Variants in HDAC4 observed in about 807,000 individuals in gnomAD.
HDAC4 encodes the protein histone deacetylase A.
Under a neutral mutation model 135.1 loss-of-function variants are expected in HDAC4, and 16 were observed. The ratio of observed to expected loss-of-function variants is 0.12; its 90% confidence interval spans 0.08 to 0.18. The LOEUF (loss-of-function observed/expected upper bound fraction) is 0.18, where lower values mean the gene tolerates loss of function less well. HDAC4 is among the 10% of genes least tolerant of loss of function. The pLI is 1.00. For missense variants in HDAC4, 1,143 were observed against 1,511.8 expected (o/e 0.76, Z 4.05); for synonymous variants, 685 against 653.4 (o/e 1.05, Z -0.74).
At chr2:239,153,429 C>T (rs971640994) in intron 7 of HDAC4, among the ~76,000 whole-genome samples, 2 of 152,248 alleles carry the variant, frequency 1.3e-5, no homozygotes, top group South Asian at 2.1e-4. Context: ...AATTTAATGA[C>T]GTGTTTCATA....
At chr2:239,215,003 G>T (rs1230002620) in intron 3 of HDAC4, among the ~76,000 whole-genome samples, 1 of 152,204 alleles carries the variant, frequency 6.6e-6, no homozygotes, top group Non-Finnish European at 1.5e-5. Context: ...GGGGATCGAC[G>T]GCAAGCAGGC....
intron 2 of HDAC4, among the ~76,000 whole-genome samples, chr2:239,292,829 C>CGTTT (rs1368139204): frequency 6.6e-6 from 1 of 152,142 alleles, no homozygotes; most frequent in African/African-American, 2.4e-5. Flanking sequence ...TTTTAATACC[C>CGTTT]AAACAGAAAT....
At chr2:239,157,284 GGGGCT>G (rs1424351647) in intron 6 of HDAC4, among the ~76,000 whole-genome samples, 1 of 152,250 alleles carries the variant, frequency 6.6e-6, no homozygotes, top group Non-Finnish European at 1.5e-5. Flanking sequence ...AGAAGCCCAT[GGGGCT>G]GTCTCTCAGA....
chr2:239,165,492 G>A (rs1351183445), intron 5 of HDAC4, among the ~76,000 whole-genome samples: 1 of 152,218 alleles, frequency 6.6e-6, no homozygotes, highest in African/African-American at 2.4e-5. Context: ...CTGTGTGTGT[G>A]TGTGTGTTTC....
At chr2:239,132,983 C>T (rs1320011762) in intron 11 of HDAC4, among the ~76,000 whole-genome samples, 2 of 152,294 alleles carry the variant, frequency 1.3e-5, no homozygotes, top group South Asian at 2.1e-4. Flanking sequence ...CCACTGTGGC[C>T]GCAGCTCAGA....
chr2:239,068,814 C>T lies in HDAC4; in HGVS notation c.2751-207G>A, dbSNP rs754746370. 4.8e-6 allele frequency: 3 copies of T among 628,730 alleles called. No homozygotes were observed. The highest frequency in any genetic ancestry group is 8.8e-6 in the Non-Finnish European group (3 of 340,224). 38.9% of individuals were successfully genotyped at this position (628,730 alleles called of 1,614,324 possible). ...ACCCACGTGTGATCCAGGCTCATTTCACATCTTCACAGTGCAAGCCAGCAA... is the reference window on the plus strand; with the variant it reads ...ACCCACGTGTGATCCAGGCTCATTTTACATCTTCACAGTGCAAGCCAGCAA... On this transcript the variant is annotated intron_variant, in intron 22 of 26. Transcript: ENST00000543185. The surrounding 1 kb of genome is among the most constrained non-coding windows in gnomAD (Gnocchi z 4.4).
At chr2:239,242,941 A>G (rs1326301546) in intron 2 of HDAC4, among the ~76,000 whole-genome samples, 2 of 152,116 alleles carry the variant, frequency 1.3e-5, no homozygotes, top group Non-Finnish European at 2.9e-5. Context: ...TCTCATGTCA[A>G]ACTAACTTTG....
intron 12 of HDAC4, among the ~76,000 whole-genome samples, chr2:239,125,270 G>A (rs1367314219): frequency 6.6e-6 from 1 of 152,196 alleles, no homozygotes; most frequent in African/African-American, 2.4e-5. Context: ...TAATGAGTGG[G>A]TTCTGGTGAG....
intron 4 of HDAC4, among the ~76,000 whole-genome samples, chr2:239,179,874 A>G (rs2044030769): frequency 1.3e-5 from 2 of 152,256 alleles, no homozygotes; most frequent in South Asian, 2.1e-4. Flanking sequence ...CCAAGACAAC[A>G]GGGCTGCCCG....
intron 2 of HDAC4, among the ~76,000 whole-genome samples, chr2:239,248,920 C>A (rs1283831497): frequency 1.3e-5 from 2 of 152,246 alleles, no homozygotes; most frequent in African/African-American, 2.4e-5. Context: ...TAAGTGATGG[C>A]CACAATTTTG....
chr2:239,100,676 C>T (rs6754852), intron 16 of HDAC4, among the ~76,000 whole-genome samples: 44,417 of 152,024 alleles, frequency 0.29, 6,691 homozygotes, highest in Non-Finnish European at 0.33. Context: ...TGAGTGCCAG[C>T]ATAAGGGATC....
chr2:239,384,512 G>C (rs951578315), intron 1 of HDAC4, among the ~76,000 whole-genome samples: 22 of 151,280 alleles, frequency 1.5e-4, no homozygotes, highest in Non-Finnish European at 1.3e-4. Context: ...AGCTACTCAG[G>C]AGGCTGAGGC....
chr2:239,091,907 A>T (rs1182656602), intron 17 of HDAC4: 1 of 144,106 alleles, frequency 6.9e-6, no homozygotes, highest in South Asian at 2.1e-4. Context: ...AAAAATACAA[A>T]AAAAAAAAAA....
rs536313643 is a variant in HDAC4, at chr2:239,105,115, C to T, written c.2113-2219G>A. Among the ~76,000 whole-genome samples, 6 of 152,366 alleles carry T rather than the reference C, an allele frequency of 3.9e-5. No homozygotes were observed. In the East Asian group the frequency reaches 9.7e-4, roughly 25 times the overall value. On this transcript the variant is annotated intron_variant, in intron 15 of 26. Coordinates refer to ENST00000543185, the MANE Select transcript of HDAC4 (RefSeq NM_001378414.1). ...GGAGCGGTGGTGATGGTGGCCCCTT[C>T]CTGCTTTCTTGGGAGGCTGACCTCG...
At chr2:239,296,736 A>G (rs749170248) in intron 2 of HDAC4, among the ~76,000 whole-genome samples, 1 of 152,104 alleles carries the variant, frequency 6.6e-6, no homozygotes, top group Non-Finnish European at 1.5e-5. Context: ...CGGGCCCCGG[A>G]GCTGTGCTTC....
intron 3 of HDAC4, among the ~76,000 whole-genome samples, chr2:239,230,825 C>T (rs1371394843): frequency 4.6e-5 from 7 of 152,196 alleles, no homozygotes; most frequent in Admixed American, 1.3e-4. Context: ...TGAGGTCACA[C>T]GTCCTTGCAG....
chr2:239,056,765 G>A (rs921333954), intron 24 of HDAC4, among the ~76,000 whole-genome samples: 1 of 152,202 alleles, frequency 6.6e-6, no homozygotes, highest in African/African-American at 2.4e-5. Flanking sequence ...AGCGTAACCC[G>A]ATGGTGGAAG....
chr2:239,343,860 G>A (rs571464129), intron 2 of HDAC4, among the ~76,000 whole-genome samples: 36 of 143,434 alleles, frequency 2.5e-4, no homozygotes, highest in Non-Finnish European at 4.6e-4. Flanking sequence ...GCCTACCTAA[G>A]CACTCGATAG....
intron 12 of HDAC4, 138 bp downstream of exon 12, chr2:239,126,318 G>T: frequency 7.1e-7 from 1 of 1,414,602 alleles, no homozygotes; most frequent in Non-Finnish European, 9.7e-7. Flanking sequence ...GTGGGCCAGA[G>T]CATGTGCCTC....
Sources: gnomAD v4.1 joint callset for allele counts (sites outside exome capture counted in the v4.1 genomes callset) on GRCh38, gnomAD v4.1.1 for gene constraint, Gnocchi (gnomAD v3.1) non-coding constraint, MANE v1.5 for transcripts, NCBI Gene and HGNC (gene_info 2026-07-23, HGNC 2026-07-21) for gene names.